NYAP2: variants seen among roughly 807,000 people sequenced by gnomAD.
The protein encoded by NYAP2 is neuronal tyrosine-phosphorylated phosphoinositide-3-kinase adapter 2.
In NYAP2, 23 loss-of-function variants were observed where a neutral mutation model predicts 50.4. That is an observed-to-expected ratio of 0.46 (90% confidence interval 0.33 to 0.65). The LOEUF is 0.65. Ranked by LOEUF, NYAP2 falls within the 30% of genes least tolerant of loss-of-function variation. The pLI is 0.02. For synonymous variants in NYAP2, 394 were observed against 365.2 expected, an observed-to-expected ratio of 1.08 and a Z score of -0.90; for missense variants, 885 against 861.0, an observed-to-expected ratio of 1.03 and a Z score of -0.35.
intron 5 of NYAP2, among the ~76,000 whole-genome samples, chr2:225,584,088 A>G (rs577316945): frequency 6.6e-6 from 1 of 152,274 alleles, no homozygotes; most frequent in East Asian, 1.9e-4. Flanking sequence ...GCAAATTCCC[A>G]TTAGAAAACC....
the NYAP2 span, chr2:225,700,177 T>C: frequency 6.6e-6 from 1 of 151,876 alleles, no homozygotes; most frequent in Non-Finnish European, 1.5e-5. Context: ...GCCTTTTCAA[T>C]GTTATAACAT....
At chr2:225,522,952 A>G (rs1691091636) in intron 4 of NYAP2, among the ~76,000 whole-genome samples, 1 of 152,178 alleles carries the variant, frequency 6.6e-6, no homozygotes, top group Non-Finnish European at 1.5e-5. Flanking sequence ...ACCAACTTAA[A>G]GAAGCCAGAA....
At chr2:225,456,187 AG>A (rs1689736015) in intron 3 of NYAP2, among the ~76,000 whole-genome samples, 1 of 152,214 alleles carries the variant, frequency 6.6e-6, no homozygotes, top group East Asian at 1.9e-4. Flanking sequence ...CTTTTTAAAA[AG>A]CTCTGAGACA....
At chr2:225,535,885 T>C (rs548058430) in intron 4 of NYAP2, among the ~76,000 whole-genome samples, 1 of 152,192 alleles carries the variant, frequency 6.6e-6, no homozygotes, top group Non-Finnish European at 1.5e-5. Flanking sequence ...TAGATAGATA[T>C]AGATATATCT....
chr2:225,637,501 A>G (rs540679629), intron 6 of NYAP2, among the ~76,000 whole-genome samples: 7 of 152,042 alleles, frequency 4.6e-5, no homozygotes, highest in African/African-American at 7.3e-5. Context: ...TTCCAGTTCT[A>G]ATTGGGTGCT....
chr2:225,599,499 G>GAGCACACTT (rs150662367), intron 5 of NYAP2, among the ~76,000 whole-genome samples: 5,295 of 152,286 alleles, frequency 0.035, 129 homozygotes, highest in Admixed American at 0.06. Flanking sequence ...GGGCATGGTA[G>GAGCACACTT]AGCACACTGG....
chr2:225,514,271 T>C (rs7578595), intron 4 of NYAP2, among the ~76,000 whole-genome samples: 56,233 of 152,044 alleles, frequency 0.37, 10,979 homozygotes, highest in African/African-American at 0.49. Context: ...ATATTAACAC[T>C]AGATCTCACC....
intron 3 of NYAP2, among the ~76,000 whole-genome samples, chr2:225,494,562 A>T (rs1308575904): frequency 2.0e-5 from 3 of 152,336 alleles, no homozygotes; most frequent in African/African-American, 7.2e-5. Context: ...TATCAAGATA[A>T]ACAATTTCAT....
the NYAP2 span, among the ~76,000 whole-genome samples, chr2:225,662,122 A>G: frequency 3.6e-4 from 55 of 152,330 alleles, no homozygotes; most frequent in Non-Finnish European, 5.4e-4. Context: ...ACTTTTTGAG[A>G]CTAAAATGTC....
At chr2:225,415,816 G>A (rs1212784509) in intron 3 of NYAP2, among the ~76,000 whole-genome samples, 1 of 151,994 alleles carries the variant, frequency 6.6e-6, no homozygotes, top group Admixed American at 6.6e-5. Flanking sequence ...TTGCCTAAGA[G>A]TATTTGGGAA....
At chr2:225,626,997 G>A (rs1693221718) in exon 6 of NYAP2, 4 of 1,589,760 alleles carry the variant, frequency 2.5e-6, no homozygotes, top group Non-Finnish European at 3.4e-6. Flanking sequence ...AGGCCACCAT[G>A]GGGCGTCTTC....
At chr2:225,500,677 G>A (rs1271656477) in intron 3 of NYAP2, among the ~76,000 whole-genome samples, 9 of 152,158 alleles carry the variant, frequency 5.9e-5, no homozygotes, top group Non-Finnish European at 1.2e-4. Flanking sequence ...TGGGAAGGGC[G>A]AATGCTGTAG....
intron 3 of NYAP2, among the ~76,000 whole-genome samples, chr2:225,477,231 CTTTT>C (rs11378712): frequency 2.3e-5 from 2 of 87,468 alleles, no homozygotes; most frequent in African/African-American, 4.6e-5. Context: ...GTCTCTATTT[CTTTT>C]TTTTTTTTTT....
rs1053048509 is a variant in NYAP2 at position 225,590,109 on chromosome 2, A to G, written c.1618+7074A>G. On this transcript the variant is annotated intron_variant, in intron 5 of 6. Coordinates refer to ENST00000636099, the Ensembl canonical transcript of NYAP2. Reference sequence around the variant, plus strand: ...TTCCAAAAGTTCTGGCAGGATCCAGACCTGTTAATTTTCTTAAACATCTCA... The same window carrying G: ...TTCCAAAAGTTCTGGCAGGATCCAGGCCTGTTAATTTTCTTAAACATCTCA... Among the ~76,000 whole-genome samples the G allele has an allele frequency of 3.3e-5, 5 of 152,190 alleles. No individual in the cohort carries two copies. The South Asian group carries it at 1.0e-3, about 32-fold the overall frequency.
intron 5 of NYAP2, among the ~76,000 whole-genome samples, chr2:225,619,887 C>G (rs1161758331): frequency 3.9e-5 from 6 of 152,156 alleles, no homozygotes; most frequent in Non-Finnish European, 5.9e-5. Flanking sequence ...AATAATACAT[C>G]CATTTTTGTA....
At chr2:225,638,164 G>T (rs1391745183) in intron 6 of NYAP2, among the ~76,000 whole-genome samples, 4 of 150,100 alleles carry the variant, frequency 2.7e-5, no homozygotes, top group Admixed American at 2.0e-4. Flanking sequence ...GTTTGTGTGT[G>T]TGTGTGTGTG....
the NYAP2 span, among the ~76,000 whole-genome samples, chr2:225,694,393 C>T: frequency 2.0e-5 from 3 of 151,382 alleles, 1 homozygote; most frequent in African/African-American, 7.3e-5. Flanking sequence ...GTATTTTTAA[C>T]ATACTTCACA....
chr2:225,472,929 G>A (rs968507762), intron 3 of NYAP2, among the ~76,000 whole-genome samples: 6 of 152,036 alleles, frequency 3.9e-5, no homozygotes, highest in South Asian at 4.1e-4. Flanking sequence ...ATTTACATTA[G>A]GCATATCTCC....
At chr2:225,667,109 C>T in the NYAP2 span, among the ~76,000 whole-genome samples, 1 of 151,986 alleles carries the variant, frequency 6.6e-6, no homozygotes, top group Non-Finnish European at 1.5e-5. Context: ...AGAGCTTAGT[C>T]CTCAGACTTC....
Sources: gnomAD v4.1 joint callset for allele counts (sites outside exome capture counted in the v4.1 genomes callset) on GRCh38, gnomAD v4.1.1 for gene constraint, MANE v1.5 for transcripts, NCBI Gene and HGNC (gene_info 2026-07-23, HGNC 2026-07-21) for gene names.